MIPOL1: variants seen among roughly 807,000 people sequenced by gnomAD.
MIPOL1 encodes mirror-image polydactyly gene 1 protein.
Under a neutral mutation model 60.9 loss-of-function variants are expected in MIPOL1, and 57 were observed. That is an observed-to-expected ratio of 0.94 (90% CI 0.76 to 1.17). MIPOL1 has a LOEUF of 1.17. MIPOL1 is among the 50% of genes most tolerant of loss of function. The probability of loss-of-function intolerance (pLI) is 0.00; values close to 1 mark genes in which losing one functional copy is unlikely to be tolerated. For missense variants in MIPOL1, 551 were observed against 511.6 expected, an observed-to-expected ratio of 1.08 and a Z score of -0.74; for synonymous variants, 179 against 168.8, an observed-to-expected ratio of 1.06 and a Z score of -0.47.
At chr14:37,535,904 C>G (rs2095504233) in intron 12 of MIPOL1, among the ~76,000 whole-genome samples, 1 of 150,918 alleles carries the variant, frequency 6.6e-6, no homozygotes, top group South Asian at 2.1e-4. Context: ...TTTATTGTCC[C>G]TTTCTTTTCT....
intron 11 of MIPOL1, among the ~76,000 whole-genome samples, chr14:37,495,975 G>A (rs2095121760): frequency 6.7e-6 from 1 of 148,182 alleles, no homozygotes; most frequent in African/African-American, 2.5e-5. Context: ...TGATGGGGTT[G>A]TTTGTTTTTT....
At chr14:37,368,902 T>C (rs1462710788) in intron 9 of MIPOL1, among the ~76,000 whole-genome samples, 2 of 152,050 alleles carry the variant, frequency 1.3e-5, no homozygotes, top group Non-Finnish European at 2.9e-5. Flanking sequence ...TAGGTGAAAG[T>C]GGTCATTTCA....
chr14:37,444,576 T>C (rs1411880248), intron 11 of MIPOL1, among the ~76,000 whole-genome samples: 2 of 152,202 alleles, frequency 1.3e-5, no homozygotes, highest in Non-Finnish European at 2.9e-5. Flanking sequence ...AAGGCAGTTT[T>C]ATAAAAGACA....
In MIPOL1 at chr14:37,446,260, G is replaced by A. The variant is rs370639433; in HGVS notation, c.1031+23311G>A. ...CAAACTACCCCATCAACAAGTGGGC[G>A]AAGGATATGAACAGACACTTCTCAA... is the stretch of plus-strand genomic sequence containing the variant. On this transcript the variant is annotated intron_variant, in intron 11 of 12. Coordinates refer to ENST00000684589, the MANE Select transcript of MIPOL1 (RefSeq NM_001388067.1). 3.4e-4 allele frequency among the ~76,000 whole-genome samples: 51 copies of A among 152,196 alleles called. No homozygotes were observed. In the East Asian group the frequency reaches 8.1e-3, roughly 24 times the overall value.
rs139003723 is a variant in MIPOL1, at chr14:37,369,581, T to G, written c.893T>G (p.Met298Arg). Residue 298 changes from methionine to arginine, a missense_variant, in exon 10 of 13, where the codon ATG becomes AGG. Physicochemically the swap from Met to Arg is moderately conservative, Grantham distance 91. Coordinates refer to ENST00000684589, the MANE Select transcript of MIPOL1 (RefSeq NM_001388067.1). Reference protein sequence around the residue: ...KEQNQTSANNMRHLTAENNQE... With the variant: ...KEQNQTSANNRRHLTAENNQE... ...CAGAACCAGACTTCAGCAAACAACA[T>G]GAGACATCTGACTGCTGAAAACAAT... 444 of 1,612,492 alleles carry G rather than the reference T, an allele frequency of 2.8e-4. 1 individual carries two copies. The highest frequency in any genetic ancestry group is 4.7e-4 in the South Asian group (43 of 91,058).
In MIPOL1 at chr14:37,240,884, A is replaced by G. The variant is rs546565922; in HGVS notation, c.-198-6219A>G. Among the ~76,000 whole-genome samples, 11 of 151,868 alleles carry G rather than the reference A, an allele frequency of 7.2e-5. No homozygotes were observed. The South Asian group carries it at 1.9e-3, about 26-fold the overall frequency. On this transcript the variant is annotated intron_variant, in intron 1 of 12. Coordinates refer to ENST00000684589, the MANE Select transcript of MIPOL1 (RefSeq NM_001388067.1). ...CAAGTATTAATTTCCTCTTAATTTG[A>G]TGTCCTTTTATGGTTAGTTTTTAGA...
At chr14:37,351,559 C>G (rs1485872766) in intron 9 of MIPOL1, among the ~76,000 whole-genome samples, 1 of 148,742 alleles carries the variant, frequency 6.7e-6, no homozygotes, top group Non-Finnish European at 1.5e-5. Flanking sequence ...TCCACATCCT[C>G]TCCAGCACCT....
chr14:37,546,984 G>T lies in MIPOL1; in HGVS notation c.*13G>T. 6.4e-7 allele frequency: 1 copy of T among 1,552,840 alleles called. No homozygotes were observed. The highest frequency in any genetic ancestry group is 1.1e-5 in the South Asian group (1 of 89,484). ...GACAGTGATCTGATTGAAAAAAAAC[G>T]ACAGTCTGGGGAAGCGATCACATCT... On this transcript the variant is annotated 3_prime_UTR_variant, in exon 13 of 13. Coordinates refer to ENST00000684589, the MANE Select transcript of MIPOL1 (RefSeq NM_001388067.1).
At chr14:37,270,279 T>A (rs1264107968) in intron 5 of MIPOL1, 141 bp from the exon 6 acceptor site, 1 of 419,292 alleles carries the variant, frequency 2.4e-6, no homozygotes, top group African/African-American at 2.1e-5. Flanking sequence ...ACTTAAATTT[T>A]AAATTTTTTT....
intron 1 of MIPOL1, among the ~76,000 whole-genome samples, chr14:37,218,539 G>A (rs140781450): frequency 3.3e-5 from 5 of 152,160 alleles, no homozygotes; most frequent in Admixed American, 3.3e-4. Flanking sequence ...CCAGAATAGG[G>A]TCTATTTTGG....
At chr14:37,372,502 C>T (rs1206028242) in intron 10 of MIPOL1, among the ~76,000 whole-genome samples, 2 of 151,750 alleles carry the variant, frequency 1.3e-5, no homozygotes, top group Admixed American at 6.6e-5. Context: ...ACCTGTAATC[C>T]CAGCACTTAG....
chr14:37,514,102 A>T (rs903456576), intron 12 of MIPOL1, among the ~76,000 whole-genome samples: 2 of 152,196 alleles, frequency 1.3e-5, no homozygotes, highest in African/African-American at 4.8e-5. Flanking sequence ...TTTATACCTT[A>T]GATTCACATA....
At chr14:37,238,196 C>G (rs1971784679) in intron 1 of MIPOL1, among the ~76,000 whole-genome samples, 1 of 152,044 alleles carries the variant, frequency 6.6e-6, no homozygotes, top group Non-Finnish European at 1.5e-5. Context: ...TTTTATTTTG[C>G]AATACATGTT....
At chr14:37,509,983 C>T (rs933665207) in intron 12 of MIPOL1, among the ~76,000 whole-genome samples, 19 of 151,422 alleles carry the variant, frequency 1.3e-4, no homozygotes, top group East Asian at 2.0e-4. Context: ...TGCATACATA[C>T]GTAGTTTATA....
intron 10 of MIPOL1, among the ~76,000 whole-genome samples, chr14:37,397,464 G>T (rs1218363564): frequency 6.6e-6 from 1 of 152,142 alleles, no homozygotes. Context: ...TGTGCTGGTT[G>T]GCCTCCTGCC....
intron 10 of MIPOL1, among the ~76,000 whole-genome samples, chr14:37,373,067 G>A (rs1595462988): frequency 1.3e-5 from 2 of 152,050 alleles, no homozygotes; most frequent in Non-Finnish European, 2.9e-5. Flanking sequence ...GCAGTGGCTC[G>A]ATCTCAGCTC....
chr14:37,484,846 T>C (rs1422419130), intron 11 of MIPOL1, among the ~76,000 whole-genome samples: 1 of 152,176 alleles, frequency 6.6e-6, no homozygotes. Flanking sequence ...CATTTGTTTC[T>C]TTTTTACTAT....
chr14:37,346,510 T>C (rs912178732), intron 9 of MIPOL1, among the ~76,000 whole-genome samples: 1 of 152,118 alleles, frequency 6.6e-6, no homozygotes, highest in Non-Finnish European at 1.5e-5. Flanking sequence ...GCTTATCTCT[T>C]TATTTACAAT....
chr14:37,539,180 T>C (rs970473516), intron 12 of MIPOL1, among the ~76,000 whole-genome samples: 2 of 151,542 alleles, frequency 1.3e-5, no homozygotes, highest in African/African-American at 4.9e-5. Context: ...CCAGCCTGGG[T>C]GACAGAGGGA....
Sources: gnomAD v4.1 joint callset for allele counts (sites outside exome capture counted in the v4.1 genomes callset) on GRCh38, gnomAD v4.1.1 for gene constraint, MANE v1.5 for transcripts, NCBI Gene and HGNC (gene_info 2026-07-23, HGNC 2026-07-21) for gene names.